RANBP2: variants seen among roughly 807,000 people sequenced by gnomAD.
RANBP2 encodes RAN binding protein 2.
RANBP2 carries 57 observed loss-of-function variants against 303.6 expected under a neutral mutation model. The observed-to-expected ratio is 0.19, with a 90% CI of 0.15 to 0.23. RANBP2 has a LOEUF of 0.23. Ranked by LOEUF, RANBP2 falls within the 10% of genes least tolerant of loss-of-function variation. The pLI, the probability that RANBP2 is intolerant of heterozygous loss-of-function variation, is 1.00. For synonymous variants in RANBP2, 1,167 were observed against 1,301.5 expected (o/e 0.90, Z 2.23); for missense variants, 3,138 against 3,780.8 (o/e 0.83, Z 4.46).
the RANBP2 span, among the ~76,000 whole-genome samples, chr2:109,452,903 C>T: frequency 9.6e-5 from 14 of 145,202 alleles, no homozygotes; most frequent in South Asian, 2.3e-4. Flanking sequence ...AGGCTGGTCC[C>T]GGGAGGCTGG....
the RANBP2 span, chr2:109,502,101 G>C: frequency 1.2e-5 from 2 of 172,680 alleles, no homozygotes; most frequent in Non-Finnish European, 2.5e-5. Context: ...GCTGCCCTGG[G>C]CTTCCCGCGG....
the RANBP2 span, among the ~76,000 whole-genome samples, chr2:109,517,025 C>T: frequency 6.6e-6 from 1 of 152,190 alleles, no homozygotes; most frequent in Non-Finnish European, 1.5e-5. Context: ...ACTAGGAACA[C>T]ATGGCTGAGC....
chr2:109,179,210 A>G, the RANBP2 span, among the ~76,000 whole-genome samples: 13 of 152,192 alleles, frequency 8.5e-5, no homozygotes, highest in Non-Finnish European at 1.8e-4. Flanking sequence ...GATAATCAAA[A>G]TTAGGTTCTA....
the RANBP2 span, among the ~76,000 whole-genome samples, chr2:108,955,621 T>C: frequency 1.5e-3 from 233 of 152,022 alleles, 2 homozygotes; most frequent in African/African-American, 5.3e-3. Context: ...AGCAGGACAA[T>C]CTTGAGCCCA....
chr2:109,416,420 C>T, the RANBP2 span, among the ~76,000 whole-genome samples: 3 of 151,908 alleles, frequency 2.0e-5, no homozygotes, highest in Non-Finnish European at 2.9e-5. Flanking sequence ...CATGGCGAAA[C>T]CCCCCCGTTT....
the RANBP2 span, chr2:109,251,516 G>A: frequency 1.3e-6 from 1 of 743,722 alleles, no homozygotes; most frequent in East Asian, 2.6e-5. Context: ...GGAATATTGT[G>A]GTCATTTGGT....
At chr2:108,847,540 T>G in the RANBP2 span, among the ~76,000 whole-genome samples, 1 of 152,190 alleles carries the variant, frequency 6.6e-6, no homozygotes, top group Non-Finnish European at 1.5e-5. Flanking sequence ...TAATAGTGAA[T>G]AAGGAAATGG....
chr2:109,359,986 C>G, the RANBP2 span, among the ~76,000 whole-genome samples: 1 of 151,750 alleles, frequency 6.6e-6, no homozygotes. Context: ...TTTTTAAAAG[C>G]CATCCAGCAG....
At chr2:109,355,760 A>G in the RANBP2 span, among the ~76,000 whole-genome samples, 1 of 152,330 alleles carries the variant, frequency 6.6e-6, no homozygotes, top group African/African-American at 2.4e-5. Flanking sequence ...GGTCCATGCC[A>G]TGCGGATCAG....
At chr2:109,370,118 C>T in the RANBP2 span, among the ~76,000 whole-genome samples, 29 of 152,306 alleles carry the variant, frequency 1.9e-4, no homozygotes, top group East Asian at 7.7e-4. Context: ...GGGATGGTTC[C>T]GGAGAAGGGA....
chr2:109,674,559 G>C, the RANBP2 span, among the ~76,000 whole-genome samples: 5 of 151,922 alleles, frequency 3.3e-5, no homozygotes, highest in South Asian at 6.2e-4. Flanking sequence ...CTCCAGCCTT[G>C]GCGACAGAAT....
At chr2:109,201,617 C>G in the RANBP2 span, among the ~76,000 whole-genome samples, 1 of 152,226 alleles carries the variant, frequency 6.6e-6, no homozygotes, top group Admixed American at 6.5e-5. Context: ...CCGGGCCTCT[C>G]ACAGCATGGC....
At chr2:109,559,051 A>G in the RANBP2 span, among the ~76,000 whole-genome samples, 1 of 152,046 alleles carries the variant, frequency 6.6e-6, no homozygotes, top group Non-Finnish European at 1.5e-5. Context: ...ACACCCGGCT[A>G]ATTTTTGTAT....
chr2:109,636,987 C>G, the RANBP2 span, among the ~76,000 whole-genome samples: 1 of 152,106 alleles, frequency 6.6e-6, no homozygotes, highest in African/African-American at 2.4e-5. Flanking sequence ...GGACCTGCAC[C>G]GGCACCGGTC....
At chr2:109,065,617 G>T in the RANBP2 span, among the ~76,000 whole-genome samples, 3 of 152,220 alleles carry the variant, frequency 2.0e-5, no homozygotes, top group Non-Finnish European at 2.9e-5. Flanking sequence ...AGGCGGTCCA[G>T]TGGAGAGATG....
At chr2:109,073,072 T>A in the RANBP2 span, among the ~76,000 whole-genome samples, 7,447 of 151,862 alleles carry the variant, frequency 0.049, 292 homozygotes, top group Non-Finnish European at 0.067. Context: ...ACAAGATAAA[T>A]CTTCAGAAAC....
the RANBP2 span, among the ~76,000 whole-genome samples, chr2:109,412,425 T>C: frequency 9.9e-5 from 15 of 152,228 alleles, no homozygotes; most frequent in African/African-American, 3.6e-4. Flanking sequence ...ACAGCTTGGC[T>C]GTTTCTGGAG....
chr2:109,355,679 G>A, the RANBP2 span, among the ~76,000 whole-genome samples: 7 of 152,330 alleles, frequency 4.6e-5, no homozygotes, highest in African/African-American at 1.7e-4. Flanking sequence ...TATTGAGTGT[G>A]CATCTGTTGG....
At chr2:108,906,543 T>C in the RANBP2 span, among the ~76,000 whole-genome samples, 1 of 152,038 alleles carries the variant, frequency 6.6e-6, no homozygotes, top group Non-Finnish European at 1.5e-5. Flanking sequence ...CTTCTTCAGG[T>C]TTTCCTATTC....
Sources: allele counts gnomAD v4.1 joint callset (sites outside exome capture counted in the v4.1 genomes callset), GRCh38; gene constraint gnomAD v4.1.1; transcripts MANE v1.5; gene names NCBI Gene and HGNC (gene_info 2026-07-23, HGNC 2026-07-21).